EEPD1: variants seen among roughly 807,000 people sequenced by gnomAD.
The protein encoded by EEPD1 is endonuclease/exonuclease/phosphatase family domain containing 1.
In EEPD1, 17 loss-of-function variants were observed where a neutral mutation model predicts 46.3. The observed-to-expected ratio is 0.37, with a 90% CI of 0.25 to 0.55. EEPD1 has a LOEUF of 0.55. Among genes scored for constraint, EEPD1 ranks in the 20% least tolerant of loss-of-function variants. EEPD1 has a pLI of 0.83. For synonymous variants in EEPD1, 313 were observed against 315.6 expected (o/e 0.99, Z 0.09); for missense variants, 673 against 745.6 (o/e 0.90, Z 1.13).
At chr7:36,190,242 C>G (rs1785438423) in intron 2 of EEPD1, among the ~76,000 whole-genome samples, 1 of 152,126 alleles carries the variant, frequency 6.6e-6, no homozygotes, top group African/African-American at 2.4e-5. Flanking sequence ...CATGGTGGTT[C>G]ATGCCTGTAT....
In EEPD1 at chr7:36,299,525, T is replaced by G; in HGVS notation, c.*319T>G. 1 of 367,474 alleles carries G rather than the reference T, an allele frequency of 2.7e-6. No homozygotes were observed. The allele number at this position is 367,474 out of a possible 1,614,324, so 22.8% of individuals were successfully genotyped here. ...ACTGGATGGCAGCACAAAGACAATA[T>G]GAGCAGAGGGAGGAGAAGAAGGGGT... On this transcript the variant is annotated 3_prime_UTR_variant, in exon 8 of 8. Coordinates refer to ENST00000242108, the MANE Select transcript of EEPD1 (RefSeq NM_030636.3).
At chr7:36,260,249 G>A (rs1043787054) in intron 3 of EEPD1, among the ~76,000 whole-genome samples, 5 of 152,168 alleles carry the variant, frequency 3.3e-5, no homozygotes, top group Non-Finnish European at 7.4e-5. Flanking sequence ...AGGTCTGTTA[G>A]CAACAAATTC....
At chr7:36,177,399 G>A (rs938208578) in intron 2 of EEPD1, among the ~76,000 whole-genome samples, 1 of 152,230 alleles carries the variant, frequency 6.6e-6, no homozygotes, top group African/African-American at 2.4e-5. Flanking sequence ...CCAGTAGGGA[G>A]TTTTTTCAAC....
At chr7:36,212,624 A>C (rs7803000) in intron 2 of EEPD1, among the ~76,000 whole-genome samples, 5,682 of 146,424 alleles carry the variant, frequency 0.039, 448 homozygotes, top group African/African-American at 0.14. Flanking sequence ...CCAAGCCCAG[A>C]CTCAGTGGGA....
At chr7:36,181,591 C>G (rs1309933650) in intron 2 of EEPD1, among the ~76,000 whole-genome samples, 2 of 152,102 alleles carry the variant, frequency 1.3e-5, no homozygotes, top group East Asian at 3.9e-4. Context: ...ATGTGCCTAG[C>G]CCCCAAACAC....
At chr7:36,253,782 A>C (rs2115815297) in intron 3 of EEPD1, among the ~76,000 whole-genome samples, 1 of 152,262 alleles carries the variant, frequency 6.6e-6, no homozygotes, top group South Asian at 2.1e-4. Context: ...TGCATGATAT[A>C]TCTTTTTCCA....
intron 2 of EEPD1, among the ~76,000 whole-genome samples, chr7:36,162,973 TTTTC>T: frequency 6.6e-6 from 1 of 152,360 alleles, no homozygotes; most frequent in East Asian, 1.9e-4. Context: ...TACTTTGTCT[TTTTC>T]AGCTTATGCT....
intron 7 of EEPD1, among the ~76,000 whole-genome samples, chr7:36,298,565 T>C (rs1411780745): frequency 6.6e-6 from 1 of 152,276 alleles, no homozygotes; most frequent in East Asian, 1.9e-4. Flanking sequence ...TCTGTAATTT[T>C]TTCTTTTTTA....
At chr7:36,279,790 G>T (rs563513453) in intron 3 of EEPD1, among the ~76,000 whole-genome samples, 2 of 152,248 alleles carry the variant, frequency 1.3e-5, no homozygotes, top group Non-Finnish European at 2.9e-5. Flanking sequence ...TTTCTAGCAC[G>T]TTCTCAGGTG....
At position 36,301,484 on chromosome 7, in the gene EEPD1, A is replaced by G. The variant is rs555934737; in HGVS notation, c.*2278A>G. ...TGTTACAACTGATGAACTTGTATTC[A>G]TTATTAGCTACAGTGTTCATAGTTT... is the stretch of plus-strand genomic sequence containing the variant. On this transcript the variant is annotated 3_prime_UTR_variant, in exon 8 of 8. Transcript: ENST00000242108. 4.6e-5 allele frequency: 7 copies of G among 152,298 alleles called. No homozygotes were observed. Among genetic ancestry groups the G allele is most frequent in the African/African-American group, 1.7e-4 (7 of 41,564 alleles). 9.4% of individuals were successfully genotyped at this position (152,298 alleles called of 1,614,324 possible).
chr7:36,175,971 G>T (rs1036193945), intron 2 of EEPD1, among the ~76,000 whole-genome samples: 1 of 152,208 alleles, frequency 6.6e-6, no homozygotes, highest in Admixed American at 6.5e-5. Context: ...CTCTCTGGGA[G>T]AGCTGAGAGG....
intron 3 of EEPD1, among the ~76,000 whole-genome samples, chr7:36,258,683 C>T (rs1786865258): frequency 6.6e-6 from 1 of 152,108 alleles, no homozygotes; most frequent in Non-Finnish European, 1.5e-5. Flanking sequence ...CCCACCAGCT[C>T]CAGCATCCCA....
chr7:36,244,669 A>G (rs1786607402), intron 3 of EEPD1, among the ~76,000 whole-genome samples: 2 of 151,532 alleles, frequency 1.3e-5, no homozygotes, highest in South Asian at 4.2e-4. Flanking sequence ...CTGGCAGAGG[A>G]TCTTCCCTGA....
intron 2 of EEPD1, among the ~76,000 whole-genome samples, chr7:36,171,320 G>A (rs1785076444): frequency 6.6e-6 from 1 of 152,156 alleles, no homozygotes; most frequent in African/African-American, 2.4e-5. Flanking sequence ...ACAAAAGAGT[G>A]GACCCAGCAG....
chr7:36,260,834 A>G (rs1170380637), intron 3 of EEPD1, among the ~76,000 whole-genome samples: 1 of 152,236 alleles, frequency 6.6e-6, no homozygotes, highest in Non-Finnish European at 1.5e-5. Context: ...GAAAATATTC[A>G]AAAACGAAAA....
In EEPD1 at chr7:36,154,066, A is replaced by G. The variant is rs955998353; in HGVS notation, c.-192-67A>G. 7.6e-6 allele frequency: 4 copies of G among 524,648 alleles called. No homozygotes were observed. Among genetic ancestry groups the G allele is most frequent in the African/African-American group, 3.8e-5 (2 of 52,428 alleles). The allele number at this position is 524,648 out of a possible 1,614,324, so 32.5% of individuals were successfully genotyped here. ...ACTCCTGGTTACTAACTCTAGCACT[A>G]GGTAGGGGGTGCTAATGCAAATTTC... On this transcript the variant is annotated intron_variant, in intron 1 of 7. Coordinates refer to ENST00000242108, the MANE Select transcript of EEPD1 (RefSeq NM_030636.3). This position sits in a 1 kb window ranked among gnomAD's most constrained non-coding sequence, Gnocchi z 4.2.
intron 2 of EEPD1, among the ~76,000 whole-genome samples, chr7:36,196,902 C>T (rs1428627568): frequency 4.0e-5 from 6 of 151,198 alleles, no homozygotes; most frequent in Admixed American, 2.0e-4. Context: ...GCCCCTCTGC[C>T]TGGCTGCCCA....
At chr7:36,198,280 G>A (rs987384254) in intron 2 of EEPD1, among the ~76,000 whole-genome samples, 4 of 138,118 alleles carry the variant, frequency 2.9e-5, no homozygotes, top group African/African-American at 1.1e-4. Context: ...ACTAAGTTAT[G>A]TGATCAGCCT....
chr7:36,154,037 C>G lies in EEPD1; in HGVS notation c.-192-96C>G. On this transcript the variant is annotated intron_variant, in intron 1 of 7. Coordinates refer to ENST00000242108, the MANE Select transcript of EEPD1 (RefSeq NM_030636.3). The surrounding 1 kb of genome is among the most constrained non-coding windows in gnomAD (Gnocchi z 4.2). ...AGGGGTTCACGGGCAGCCACCAGTC[C>G]CCGACTCCTGGTTACTAACTCTAGC... 1 of 455,662 alleles carries G rather than the reference C, an allele frequency of 2.2e-6. No homozygotes were observed. The highest frequency in any genetic ancestry group is 3.9e-6 in the Non-Finnish European group (1 of 253,190). The allele number at this position is 455,662 out of a possible 1,614,324, so 28.2% of individuals were successfully genotyped here.
Sources: allele counts gnomAD v4.1 joint callset (sites outside exome capture counted in the v4.1 genomes callset), GRCh38; gene constraint gnomAD v4.1.1; non-coding constraint Gnocchi (gnomAD v3.1); transcripts MANE v1.5; gene names NCBI Gene and HGNC (gene_info 2026-07-23, HGNC 2026-07-21).